Variants in SATB2 observed in about 807,000 individuals in gnomAD.
SATB2 encodes SATB homeobox 2, also known as DNA-binding protein SATB2.
In SATB2, 1 loss-of-function variant was observed where a neutral mutation model predicts 73.4. The ratio of observed to expected loss-of-function variants is 0.01; its 90% CI spans 0.00 to 0.06. The LOEUF is 0.06. Ranked by LOEUF, SATB2 falls within the 10% of genes least tolerant of loss-of-function variation. The probability of loss-of-function intolerance (pLI) is 1.00; values close to 1 mark genes in which losing one functional copy is unlikely to be tolerated. For missense variants in SATB2, 459 were observed against 945.8 expected (o/e 0.49, Z 6.75); for synonymous variants, 397 against 367.0 (o/e 1.08, Z -0.93).
upstream of SATB2, chr2:199,458,793 C>T (rs1448272539): frequency 8.0e-6 from 3 of 374,256 alleles, no homozygotes; most frequent in Non-Finnish European, 1.6e-5. Flanking sequence ...CTCCGCCCCT[C>T]CGAGCAACTT....
At chr2:199,421,733 G>C (rs1691176680) in intron 3 of SATB2, among the ~76,000 whole-genome samples, 1 of 152,156 alleles carries the variant, frequency 6.6e-6, no homozygotes. Context: ...AAAGTTTCCT[G>C]ACACAATGTC....
At chr2:199,409,438 G>A (rs1391350092) in intron 3 of SATB2, among the ~76,000 whole-genome samples, 2 of 152,054 alleles carry the variant, frequency 1.3e-5, no homozygotes, top group African/African-American at 4.8e-5. Context: ...CCAAAGTGCT[G>A]GGATTACAGG....
chr2:199,446,159 C>T (rs1691956331), intron 2 of SATB2, among the ~76,000 whole-genome samples: 1 of 152,108 alleles, frequency 6.6e-6, no homozygotes, highest in African/African-American at 2.4e-5. Flanking sequence ...ATGTTTGTCT[C>T]TCAGCTTCTA....
At chr2:199,369,795 C>T (rs1689389663) in intron 5 of SATB2, among the ~76,000 whole-genome samples, 1 of 152,220 alleles carries the variant, frequency 6.6e-6, no homozygotes, top group Admixed American at 6.5e-5. Flanking sequence ...AAAATGCCAG[C>T]AGACAGACCT....
chr2:199,426,189 G>A (rs1373571439), intron 3 of SATB2, among the ~76,000 whole-genome samples: 1 of 152,134 alleles, frequency 6.6e-6, no homozygotes, highest in African/African-American at 2.4e-5. Flanking sequence ...CAAACATTTA[G>A]TGTTTAAAGA....
intron 3 of SATB2, among the ~76,000 whole-genome samples, chr2:199,419,769 C>T (rs1468320714): frequency 2.0e-5 from 3 of 152,148 alleles, no homozygotes; most frequent in East Asian, 1.9e-4. Context: ...TATAATTCCT[C>T]ATGCAATTAT....
chr2:199,363,844 T>A (rs1222188735), intron 6 of SATB2, among the ~76,000 whole-genome samples: 1 of 152,190 alleles, frequency 6.6e-6, no homozygotes, highest in Admixed American at 6.5e-5. Context: ...AGATACAACA[T>A]AGGCAGAGGG....
rs2105929068 is a variant in SATB2 at position 199,433,506 on chromosome 2, T to G, written c.178A>C (p.Ile60Leu). Residue 60 changes from isoleucine (I) to leucine (L), a missense_variant, in exon 3 of 11, where the codon ATT becomes CTT. This residue lies in a region of SATB2 where 74 missense variants were observed against 113.3 expected (regional missense o/e 0.65). Coordinates refer to ENST00000417098, the MANE Select transcript of SATB2 (RefSeq NM_001172509.2). ...AVAKAVGGLM[I>L]PVFCVVEQLD... ...TGCTCCACGACACAAAAGACAGGAA[T>G]CATCAAACCTGAAGGGACAAAATTC... The G allele has an allele frequency of 6.2e-7, 1 of 1,614,004 alleles. No homozygotes were observed.
At chr2:199,323,539 A>G (rs1393880191) in intron 9 of SATB2, among the ~76,000 whole-genome samples, 7 of 151,852 alleles carry the variant, frequency 4.6e-5, no homozygotes, top group African/African-American at 1.7e-4. Flanking sequence ...AAAAGGGTAC[A>G]TTGCAGTGTT....
intron 7 of SATB2, among the ~76,000 whole-genome samples, chr2:199,337,525 A>C (rs1011372324): frequency 6.6e-6 from 1 of 152,160 alleles, no homozygotes; most frequent in Non-Finnish European, 1.5e-5. Flanking sequence ...TTTTTCTTTC[A>C]TGAAGCCTTT....
chr2:199,407,494 G>A (rs1325195818), intron 3 of SATB2, among the ~76,000 whole-genome samples: 1 of 152,100 alleles, frequency 6.6e-6, no homozygotes, highest in East Asian at 1.9e-4. Flanking sequence ...AGAGGTTACA[G>A]CCCAGGAGAT....
intron 3 of SATB2, among the ~76,000 whole-genome samples, chr2:199,432,067 T>C (rs1168255696): frequency 1.3e-5 from 2 of 152,150 alleles, no homozygotes; most frequent in South Asian, 2.1e-4. Flanking sequence ...AAATGAATCA[T>C]CCTTTATCAG....
At chr2:199,299,648 G>C (rs552852681) in intron 10 of SATB2, among the ~76,000 whole-genome samples, 2 of 151,522 alleles carry the variant, frequency 1.3e-5, no homozygotes, top group South Asian at 2.1e-4. Flanking sequence ...TTTTTTCACT[G>C]TTATATATGT....
intron 9 of SATB2, among the ~76,000 whole-genome samples, chr2:199,312,921 G>A (rs928516236): frequency 5.3e-5 from 8 of 152,054 alleles, no homozygotes; most frequent in African/African-American, 1.9e-4. Flanking sequence ...AAAATGGCAA[G>A]GTAATAGAAG....
rs188223551 is a variant in SATB2, at chr2:199,309,323, G to A, written c.1543-366C>T. Among the ~76,000 whole-genome samples, 38 of 152,330 alleles carry A rather than the reference G, an allele frequency of 2.5e-4. 1 individual carries two copies. The East Asian group carries it at 6.0e-3, about 24-fold the overall frequency. On this transcript the variant is annotated intron_variant, in intron 9 of 10. Coordinates refer to ENST00000417098, the MANE Select transcript of SATB2 (RefSeq NM_001172509.2). ...CCAACTGGGCAGCATTTCATGCTAA[G>A]AGTGAAGATAAACAAATATGCATAA...
chr2:199,383,385 G>A (rs1574570572), intron 3 of SATB2, among the ~76,000 whole-genome samples: 1 of 152,216 alleles, frequency 6.6e-6, no homozygotes, highest in African/African-American at 2.4e-5. Flanking sequence ...CCACCCACGA[G>A]AGAGTGGGTC....
At chr2:199,448,975 C>T (rs1438765728) in intron 2 of SATB2, among the ~76,000 whole-genome samples, 1 of 152,128 alleles carries the variant, frequency 6.6e-6, no homozygotes, top group Non-Finnish European at 1.5e-5. Context: ...TTTTCCTGTC[C>T]TATGTGTCAT....
rs538547012 is a variant in SATB2 at position 199,446,799 on chromosome 2, G to A, written c.169+9070C>T. Among the ~76,000 whole-genome samples the A allele has an allele frequency of 3.3e-4, 51 of 152,286 alleles. No homozygotes were observed. The Middle Eastern group carries it at 0.01, about 30-fold the overall frequency. On this transcript the variant is annotated intron_variant, in intron 2 of 10. Coordinates refer to ENST00000417098, the MANE Select transcript of SATB2 (RefSeq NM_001172509.2). ...TTGATATACATCCCACTCTAAAAGG[G>A]ATGATAAATGCTCGGGAGAGTTCTG...
intron 10 of SATB2, among the ~76,000 whole-genome samples, chr2:199,304,420 C>T (rs1480161912): frequency 6.6e-6 from 1 of 152,200 alleles, no homozygotes; most frequent in Non-Finnish European, 1.5e-5. Context: ...TATCTACACA[C>T]AGACTAGAAA....
Sources: allele counts gnomAD v4.1 joint callset (sites outside exome capture counted in the v4.1 genomes callset), GRCh38; gene constraint gnomAD v4.1.1; regional missense constraint gnomAD v4.1.1; transcripts MANE v1.5; gene names NCBI Gene and HGNC (gene_info 2026-07-23, HGNC 2026-07-21).